The following MIS18A variants were observed in gnomAD, a reference collection of about 807,000 sequenced individuals.
MIS18A encodes the protein protein Mis18-alpha.
In MIS18A, 14 loss-of-function variants were observed where a neutral mutation model predicts 25.0. The observed-to-expected ratio is 0.56, with a 90% CI of 0.37 to 0.88. The LOEUF (loss-of-function observed/expected upper bound fraction) is 0.88, where lower values mean the gene tolerates loss of function less well. Ranked by LOEUF, MIS18A falls within the 40% of genes least tolerant of loss-of-function variation. The pLI, the probability that MIS18A is intolerant of heterozygous loss-of-function variation, is 0.00. For missense variants in MIS18A, 292 were observed against 290.8 expected (o/e 1.00, Z -0.03); for synonymous variants, 134 against 118.6 (o/e 1.13, Z -0.84).
At chr21:32,178,890 T>C in the MIS18A span, among the ~76,000 whole-genome samples, 2 of 152,168 alleles carry the variant, frequency 1.3e-5, no homozygotes, top group Admixed American at 6.5e-5. Flanking sequence ...TTTTATCCTT[T>C]ATTTCTCTCT....
rs2031877941 is a variant in MIS18A at position 32,278,947 on chromosome 21, C to T, written c.68G>A (p.Gly23Asp). 6.2e-7 allele frequency: 1 copy of T among 1,613,146 alleles called. No homozygotes were observed. Among genetic ancestry groups the T allele is most frequent in the Non-Finnish European group, 8.5e-7 (1 of 1,180,004 alleles). Residue 23 changes from glycine to aspartate, a missense_variant, in exon 1 of 5, where the codon GGC (glycine) becomes GAC (aspartate). By Grantham distance (94) the Gly-to-Asp change is moderately conservative. Coordinates refer to ENST00000290130, the MANE Select transcript of MIS18A (RefSeq NM_018944.3). ...CAGGCECGDKGKCSDSSLLGK... is the reference protein window; with the variant it reads ...CAGGCECGDKDKCSDSSLLGK... ...CAACAGCGAGGAGTCGCTGCATTTG[C>T]CCTTGTCGCCGCACTCACAGCCGCC...
chr21:32,226,657 G>A, the MIS18A span, among the ~76,000 whole-genome samples: 1 of 152,106 alleles, frequency 6.6e-6, no homozygotes, highest in South Asian at 2.1e-4. Context: ...AATAACAGTT[G>A]GAGACTTTCA....
the MIS18A span, among the ~76,000 whole-genome samples, chr21:32,255,425 G>T: frequency 1.3e-5 from 2 of 151,512 alleles, no homozygotes; most frequent in Admixed American, 1.3e-4. Flanking sequence ...TAGAGATGCG[G>T]TTTCCCCATG....
chr21:32,175,740 A>G, the MIS18A span, among the ~76,000 whole-genome samples: 89,506 of 151,130 alleles, frequency 0.59, 27,312 homozygotes, highest in African/African-American at 0.74. Flanking sequence ...AACCTGGGAG[A>G]TGGAGGTTTC....
chr21:32,252,514 G>A, the MIS18A span, among the ~76,000 whole-genome samples: 1 of 152,132 alleles, frequency 6.6e-6, no homozygotes, highest in South Asian at 2.1e-4. Context: ...TAACTGCAAG[G>A]GAGATATCTA....
chr21:32,174,027 C>T, the MIS18A span, among the ~76,000 whole-genome samples: 11 of 129,048 alleles, frequency 8.5e-5, no homozygotes, highest in African/African-American at 1.8e-4. Context: ...TGCGGTGGCA[C>T]GATCTTGGCT....
chr21:32,214,969 G>A, the MIS18A span, among the ~76,000 whole-genome samples: 3 of 152,190 alleles, frequency 2.0e-5, no homozygotes, highest in East Asian at 5.8e-4. Flanking sequence ...AACACTCCAG[G>A]CTGAGTCTCC....
At chr21:32,211,255 G>A in the MIS18A span, among the ~76,000 whole-genome samples, 2 of 152,126 alleles carry the variant, frequency 1.3e-5, no homozygotes, top group Non-Finnish European at 2.9e-5. Flanking sequence ...TGGTCAGGCT[G>A]GTCTCGAACT....
the MIS18A span, among the ~76,000 whole-genome samples, chr21:32,160,941 T>G: frequency 6.6e-6 from 1 of 152,184 alleles, no homozygotes; most frequent in Non-Finnish European, 1.5e-5. Context: ...AGTTGCATTC[T>G]TTTGAGTGTC....
the MIS18A span, among the ~76,000 whole-genome samples, chr21:32,216,290 T>TCAAAAACCTAG: frequency 6.6e-6 from 1 of 152,158 alleles, no homozygotes; most frequent in Non-Finnish European, 1.5e-5. Context: ...GTGAAAAATC[T>TCAAAAACCTAG]CAAAAACCTA....
the MIS18A span, among the ~76,000 whole-genome samples, chr21:32,174,240 A>C: frequency 0.58 from 88,458 of 151,888 alleles, 26,359 homozygotes; most frequent in African/African-American, 0.71. Flanking sequence ...TGGGAGCAAC[A>C]GCACCCAGCC....
At chr21:32,167,822 A>G in the MIS18A span, among the ~76,000 whole-genome samples, 2 of 152,226 alleles carry the variant, frequency 1.3e-5, no homozygotes, top group Admixed American at 6.5e-5. Context: ...GACAAGGAAA[A>G]AAGTCTGTTT....
the MIS18A span, among the ~76,000 whole-genome samples, chr21:32,176,363 C>G: frequency 9.9e-5 from 15 of 152,156 alleles, no homozygotes; most frequent in African/African-American, 3.6e-4. Flanking sequence ...AGGGTTTTTT[C>G]AGCTCCATTA....
At chr21:32,214,684 CCAGA>C in the MIS18A span, among the ~76,000 whole-genome samples, 4 of 152,312 alleles carry the variant, frequency 2.6e-5, no homozygotes, top group East Asian at 7.7e-4. Context: ...TCTCTGGAGT[CCAGA>C]TTGGAAAACA....
At chr21:32,247,728 G>A in the MIS18A span, among the ~76,000 whole-genome samples, 3 of 152,170 alleles carry the variant, frequency 2.0e-5, no homozygotes, top group South Asian at 2.1e-4. Flanking sequence ...GGGAGAAAGT[G>A]GCCACCCGCA....
the MIS18A span, among the ~76,000 whole-genome samples, chr21:32,234,515 T>C: frequency 6.6e-6 from 1 of 152,168 alleles, no homozygotes; most frequent in Non-Finnish European, 1.5e-5. Flanking sequence ...TATAAGGCAA[T>C]GGTTGGGCCA....
chr21:32,272,799 G>C (rs1232670552), intron 2 of MIS18A, among the ~76,000 whole-genome samples: 1 of 152,128 alleles, frequency 6.6e-6, no homozygotes, highest in Non-Finnish European at 1.5e-5. Flanking sequence ...GTTGGTACCT[G>C]GTACACAAAT....
chr21:32,197,414 A>G, the MIS18A span, among the ~76,000 whole-genome samples: 1 of 152,138 alleles, frequency 6.6e-6, no homozygotes. Context: ...CATGGATTTG[A>G]ATCTCCGCAT....
At chr21:32,154,712 G>A in the MIS18A span, among the ~76,000 whole-genome samples, 1 of 152,052 alleles carries the variant, frequency 6.6e-6, no homozygotes, top group Non-Finnish European at 1.5e-5. Context: ...GGTATTTGGA[G>A]GGAAAAGGTT....
Sources: allele counts gnomAD v4.1 joint callset (sites outside exome capture counted in the v4.1 genomes callset), GRCh38; gene constraint gnomAD v4.1.1; transcripts MANE v1.5; gene names NCBI Gene and HGNC (gene_info 2026-07-23, HGNC 2026-07-21).